The following ETNK2 variants were observed in gnomAD, a reference collection of about 807,000 sequenced individuals.
ETNK2 encodes ethanolamine kinase-like protein.
In ETNK2, 33 loss-of-function variants were observed where a neutral mutation model predicts 46.2. The ratio of observed to expected loss-of-function variants is 0.71; its 90% CI spans 0.54 to 0.96. The LOEUF (loss-of-function observed/expected upper bound fraction) is 0.96, where lower values mean the gene tolerates loss of function less well. ETNK2 is among the 40% of genes least tolerant of loss of function. ETNK2 has a pLI of 0.00. For synonymous variants in ETNK2, 194 were observed against 209.0 expected, an observed-to-expected ratio of 0.93 and a Z score of 0.62; for missense variants, 445 against 509.7, an observed-to-expected ratio of 0.87 and a Z score of 1.22.
Position 204,149,875 on chromosome 1 carries a change from C to A in ETNK2, c.346G>T (p.Glu116Ter). 2 of 1,592,408 alleles carry A rather than the reference C, an allele frequency of 1.3e-6. No homozygotes were observed. The highest frequency in any genetic ancestry group is 1.7e-6 in the Non-Finnish European group (2 of 1,169,620). ...QDCVLVRVYG[E>*]RTELLVDREN... ...CGGTCCACCAGCAGCTCCGTCCGCTCCCCATACACCCGGACCAGCACGCAG... is the reference window on the plus strand; with the variant it reads ...CGGTCCACCAGCAGCTCCGTCCGCTACCCATACACCCGGACCAGCACGCAG... The change falls in exon 2 of 8, where the codon GAG becomes TAG. Residue 116 changes from glutamate to a stop codon, truncating the protein, a stop_gained. Coordinates refer to ENST00000367202, the MANE Select transcript of ETNK2 (RefSeq NM_018208.4). LOFTEE classifies it high-confidence loss of function.
intron 4 of ETNK2, 123 bp from the exon 5 acceptor site, chr1:204,140,241 C>T: frequency 1.4e-6 from 1 of 715,908 alleles, no homozygotes; most frequent in South Asian, 1.5e-5. Flanking sequence ...AGCAACCCTG[C>T]CCAATCCCAT....
intron 5 of ETNK2, 73 bp from the exon 6 acceptor site, chr1:204,137,322 G>A (rs1296510605): frequency 3.3e-6 from 5 of 1,531,914 alleles, no homozygotes; most frequent in Non-Finnish European, 4.4e-6. Context: ...CTCAGTAGGT[G>A]TTCCCATCTC....
At chr1:204,141,528 G>T in intron 3 of ETNK2, 71 bp from the exon 4 acceptor site, 1 of 1,506,260 alleles carries the variant, frequency 6.6e-7, no homozygotes, top group Non-Finnish European at 9.0e-7. Context: ...CAAGAGCCCT[G>T]AATCTGAGCC....
Position 204,151,514 on chromosome 1 carries a change from A to T in ETNK2, c.258+81T>A. On this transcript the variant is annotated intron_variant, in intron 1 of 7. Transcript: ENST00000367202. The surrounding 1 kb of genome is among the most constrained non-coding windows in gnomAD (Gnocchi z 8.0). ...GCGCACCCCTGGGACTGACACCCGG[A>T]AGGATGCGAGGACTGGGTCCCCGCA... The T allele has an allele frequency of 6.6e-7, 1 of 1,525,504 alleles. No individual in the cohort carries two copies. The highest frequency in any genetic ancestry group is 8.8e-7 in the Non-Finnish European group (1 of 1,133,048). The allele number at this position is 1,525,504 out of a possible 1,614,324, so 94.5% of individuals were successfully genotyped here. A position where few individuals can be genotyped will look rare whatever the true frequency, so the allele number is the denominator to read the frequency against.
chr1:204,132,581 C>T (rs976069221), intron 7 of ETNK2, among the ~76,000 whole-genome samples: 4 of 152,026 alleles, frequency 2.6e-5, no homozygotes, highest in Non-Finnish European at 5.9e-5. Context: ...TATAGGTGCA[C>T]GCCACCACAC....
At chr1:204,149,997 G>T (rs1243546357) in intron 1 of ETNK2, 35 bp from the exon 2 acceptor site, 20 of 434,184 alleles carry the variant, frequency 4.6e-5, no homozygotes, top group Non-Finnish European at 8.5e-5. Flanking sequence ...TGGGTGGGTG[G>T]GTGGGGCAGG....
In ETNK2 at chr1:204,151,688, G is replaced by C. The variant is rs1347501600; in HGVS notation, c.165C>G (p.Gly55=). 2 of 1,546,104 alleles carry C rather than the reference G, an allele frequency of 1.3e-6. No homozygotes were observed. Among genetic ancestry groups the C allele is most frequent in the Admixed American group, 2.0e-5 (1 of 50,294 alleles). The change falls in exon 1 of 8, where the codon GGC becomes GGG. Residue 55 remains glycine, a synonymous_variant. Coordinates refer to ENST00000367202, the MANE Select transcript of ETNK2 (RefSeq NM_018208.4). The surrounding 1 kb of genome is among the most constrained non-coding windows in gnomAD (Gnocchi z 8.0). ...PPRAAAVAYF[G]ISVDPDDILP... is the part of the protein sequence containing the mutation. The stretch of plus-strand genomic sequence containing the variant: ...GGATGTCGTCCGGGTCCACGGAAAT[G>C]CCGAAGTACGCGACGGCGGCGGCCC...
chr1:204,134,633 C>A lies in ETNK2; in HGVS notation c.1015-45G>T, dbSNP rs1397392312. 7.4e-6 allele frequency: 12 copies of A among 1,613,930 alleles called. No individual in the cohort carries two copies. In the Admixed American group the frequency reaches 1.0e-4, roughly 13 times the overall value. On this transcript the variant is annotated intron_variant, in intron 6 of 7. Transcript: ENST00000367202. ...GGTCAGCCTGGCAATCTCCCCATGCCTGTTTCCGACTCTACAGCACTGGAG... is the reference window on the plus strand; with the variant it reads ...GGTCAGCCTGGCAATCTCCCCATGCATGTTTCCGACTCTACAGCACTGGAG...
intron 2 of ETNK2, chr1:204,147,481 G>C (rs1204371656): frequency 1.9e-6 from 1 of 533,400 alleles, no homozygotes; most frequent in African/African-American, 1.9e-5. Flanking sequence ...GGAGGGCCTT[G>C]ATAAAGACCC....
chr1:204,151,589 C>A lies in ETNK2; in HGVS notation c.258+6G>T, dbSNP rs1207732005. On this transcript the variant is annotated splice_donor_region_variant and intron_variant, in intron 1 of 7. Transcript: ENST00000367202. The surrounding 1 kb of genome is among the most constrained non-coding windows in gnomAD (Gnocchi z 8.0). ...CCCATCCTCGGCCCCGCGCCCACTC[C>A]GCTACCTTGGTCCGAACTTGCTCGG... The A allele has an allele frequency of 4.5e-6, 7 of 1,548,928 alleles. No individual in the cohort carries two copies. The African/African-American group carries it at 9.6e-5, about 21-fold the overall frequency.
intron 2 of ETNK2, 63 bp from the exon 3 acceptor site, chr1:204,146,827 C>T (rs752032089): frequency 3.7e-6 from 6 of 1,603,696 alleles, no homozygotes; most frequent in Non-Finnish European, 5.1e-6. Context: ...CCACTCATTT[C>T]CTCCTGGCCA....
At chr1:204,134,152 G>A (rs1196490556) in intron 7 of ETNK2, among the ~76,000 whole-genome samples, 1 of 152,046 alleles carries the variant, frequency 6.6e-6, no homozygotes, top group Non-Finnish European at 1.5e-5. Flanking sequence ...CCTCTCTGCT[G>A]TAAAATGAGG....
Position 204,151,461 on chromosome 1 carries a change from C to G in ETNK2, c.258+134G>C, listed in dbSNP as rs754032467. The G allele has an allele frequency of 2.3e-4, 296 of 1,298,888 alleles. No individual in the cohort carries two copies. Among genetic ancestry groups the G allele is most frequent in the Non-Finnish European group, 3.7e-5 (35 of 945,020 alleles). 80.5% of individuals were successfully genotyped at this position (1,298,888 alleles called of 1,614,324 possible). ...ACGAAATCAATCCGTACACAAACCA[C>G]GTTCCAAACCTTTCTTGCGCAGCAG... On this transcript the variant is annotated intron_variant, in intron 1 of 7. Coordinates refer to ENST00000367202, the MANE Select transcript of ETNK2 (RefSeq NM_018208.4). The surrounding 1 kb of genome is among the most constrained non-coding windows in gnomAD (Gnocchi z 8.0).
rs1657083453 is a variant in ETNK2, at chr1:204,131,837, G to A, written c.*347C>T. On this transcript the variant is annotated 3_prime_UTR_variant, in exon 8 of 8. Transcript: ENST00000367202. The surrounding 1 kb of genome is among the most constrained non-coding windows in gnomAD (Gnocchi z 4.3). ...GCCTCCTTCCCCAGGCCAGGAAGGG[G>A]TAAACACACATATAAGGCAGCCCCA... 6.8e-6 allele frequency: 2 copies of A among 295,444 alleles called. No individual in the cohort carries two copies. Among genetic ancestry groups the A allele is most frequent in the South Asian group, 9.9e-5 (2 of 20,162 alleles). 18.3% of individuals were successfully genotyped at this position (295,444 alleles called of 1,614,324 possible).
intron 5 of ETNK2, among the ~76,000 whole-genome samples, chr1:204,138,125 G>A (rs1435382206): frequency 6.6e-6 from 1 of 152,112 alleles, no homozygotes; most frequent in African/African-American, 2.4e-5. Flanking sequence ...AGAATCTCCT[G>A]GAACAGATGT....
Position 204,134,596 on chromosome 1 carries a change from C to T in ETNK2, c.1015-8G>A. 1 of 1,614,046 alleles carries T rather than the reference C, an allele frequency of 6.2e-7. No individual in the cohort carries two copies. Among genetic ancestry groups the T allele is most frequent in the Non-Finnish European group, 8.5e-7 (1 of 1,179,908 alleles). On this transcript the variant is annotated splice_region_variant and splice_polypyrimidine_tract_variant and intron_variant, in intron 6 of 7. Transcript: ENST00000367202. ...CCAGAAGAAGTGAGACGCCTGGAAA[C>T]AGACCAGAGAGGGTCAGCCTGGCAA... is the stretch of plus-strand genomic sequence containing the variant.
chr1:204,137,260 G>T lies in ETNK2; in HGVS notation c.869-11C>A. The T allele has an allele frequency of 6.2e-7, 1 of 1,612,864 alleles. No individual in the cohort carries two copies. Among genetic ancestry groups the T allele is most frequent in the Non-Finnish European group, 8.5e-7 (1 of 1,179,260 alleles). On this transcript the variant is annotated splice_polypyrimidine_tract_variant and intron_variant, in intron 5 of 7. Coordinates refer to ENST00000367202, the MANE Select transcript of ETNK2 (RefSeq NM_018208.4). ...CCACCTCATTCACGCCTGAGGGGGAGGCAGGCCAGACAAAGTTGCTCAGAG... is the reference window on the plus strand; with the variant it reads ...CCACCTCATTCACGCCTGAGGGGGATGCAGGCCAGACAAAGTTGCTCAGAG...
chr1:204,136,965 A>T, intron 6 of ETNK2, 139 bp downstream of exon 6: 1 of 1,139,010 alleles, frequency 8.8e-7, no homozygotes, highest in South Asian at 1.5e-5. Flanking sequence ...CTTCACCTCT[A>T]GGGTGGGGTC....
Position 204,149,843 on chromosome 1 carries a change from A to C in ETNK2, c.378T>G (p.Asn126Lys), listed in dbSNP as rs761499775. Residue 126 changes from asparagine (N) to lysine (K), a missense_variant, in exon 2 of 8, where the codon AAT becomes AAG. Coordinates refer to ENST00000367202, the MANE Select transcript of ETNK2 (RefSeq NM_018208.4). ...ERTELLVDRENEVRNFQLLRA... is the reference protein window; with the variant it reads ...ERTELLVDREKEVRNFQLLRA... ...GCAGCAGCTGGAAGTTTCTGACCTC[A>C]TTCTCCCGGTCCACCAGCAGCTCCG... The C allele has an allele frequency of 6.2e-7, 1 of 1,604,454 alleles. No homozygotes were observed. The highest frequency in any genetic ancestry group is 8.5e-7 in the Non-Finnish European group (1 of 1,175,682).
Sources: gnomAD v4.1 joint callset for allele counts (sites outside exome capture counted in the v4.1 genomes callset) on GRCh38, gnomAD v4.1.1 for gene constraint, Gnocchi (gnomAD v3.1) non-coding constraint, MANE v1.5 for transcripts, NCBI Gene and HGNC (gene_info 2026-07-23, HGNC 2026-07-21) for gene names.